Variants in MYO3A observed in about 807,000 individuals in gnomAD.
MYO3A encodes the protein myosin-IIIa.
Under a neutral mutation model 192.7 loss-of-function variants are expected in MYO3A, and 180 were observed. The observed-to-expected ratio is 0.93, with a 90% confidence interval of 0.83 to 1.06. MYO3A has a LOEUF of 1.06. Among genes scored for constraint, MYO3A ranks in the 50% least tolerant of loss-of-function variants. The pLI, the probability that MYO3A is intolerant of heterozygous loss-of-function variation, is 0.00. For synonymous variants in MYO3A, 628 were observed against 645.3 expected, an observed-to-expected ratio of 0.97 and a Z score of 0.41; for missense variants, 1,896 against 1,905.0, an observed-to-expected ratio of 1.00 and a Z score of 0.09.
intron 20 of MYO3A, among the ~76,000 whole-genome samples, chr10:26,128,806 C>T (rs906166348): frequency 1.3e-5 from 2 of 152,106 alleles, no homozygotes; most frequent in African/African-American, 2.4e-5. Flanking sequence ...CCTTTGTAAA[C>T]GAAGATATTT....
intron 23 of MYO3A, among the ~76,000 whole-genome samples, chr10:26,153,042 T>A (rs913272943): frequency 6.6e-6 from 1 of 152,210 alleles, no homozygotes; most frequent in South Asian, 2.1e-4. Flanking sequence ...ATACTGCATT[T>A]TGAAGATATT....
chr10:26,073,257 A>G (rs1485206745), intron 14 of MYO3A, among the ~76,000 whole-genome samples: 1 of 152,086 alleles, frequency 6.6e-6, no homozygotes, highest in Admixed American at 6.5e-5. Flanking sequence ...TGATACAAGC[A>G]ATAATGAATT....
rs572815329 is a variant in MYO3A, at chr10:26,078,729, A to G, written c.1359+8328A>G. Among the ~76,000 whole-genome samples the G allele has an allele frequency of 7.9e-5, 12 of 152,204 alleles. No homozygotes were observed. In the South Asian group the frequency reaches 1.9e-3, roughly 24 times the overall value. On this transcript the variant is annotated intron_variant, in intron 14 of 34. Coordinates refer to ENST00000642920, the MANE Select transcript of MYO3A (RefSeq NM_017433.5). Reference sequence around the variant, plus strand: ...TGTGTCATTGTTGTTCAGTTCGAAGAATTTTTTAATTTCCCTCTTGATTTT... The same window carrying G: ...TGTGTCATTGTTGTTCAGTTCGAAGGATTTTTTAATTTCCCTCTTGATTTT...
At chr10:26,151,988 T>G (rs1840817611) in intron 23 of MYO3A, among the ~76,000 whole-genome samples, 1 of 152,224 alleles carries the variant, frequency 6.6e-6, no homozygotes. Flanking sequence ...CAAAAGTCAT[T>G]AATTTTGACT....
At chr10:26,175,561 C>T (rs545200768) in intron 30 of MYO3A, among the ~76,000 whole-genome samples, 1 of 152,294 alleles carries the variant, frequency 6.6e-6, no homozygotes, top group South Asian at 2.1e-4. Flanking sequence ...CTATGAGAAA[C>T]ACGATAACTG....
chr10:26,090,933 G>T (rs1836662971), intron 15 of MYO3A, among the ~76,000 whole-genome samples: 1 of 152,232 alleles, frequency 6.6e-6, no homozygotes, highest in Non-Finnish European at 1.5e-5. Flanking sequence ...TGCAGCTGTG[G>T]ATCAGGGGCT....
intron 29 of MYO3A, among the ~76,000 whole-genome samples, chr10:26,170,850 C>A (rs916297770): frequency 6.6e-6 from 1 of 152,216 alleles, no homozygotes; most frequent in African/African-American, 2.4e-5. Context: ...TATCCCTGGG[C>A]CCTCTCATTC....
chr10:25,963,858 T>G (rs1461488599), intron 4 of MYO3A, among the ~76,000 whole-genome samples: 1 of 151,948 alleles, frequency 6.6e-6, no homozygotes, highest in Admixed American at 6.6e-5. Flanking sequence ...AATTTATACA[T>G]AATATATATA....
In MYO3A at chr10:25,952,079, A is replaced by G; in HGVS notation, c.-17-15A>G. 1.3e-6 allele frequency: 2 copies of G among 1,575,748 alleles called. No homozygotes were observed. The highest frequency in any genetic ancestry group is 1.7e-6 in the Non-Finnish European group (2 of 1,147,864). Reference sequence around the variant, plus strand: ...CTCAATCAACTGTAGATGAAACTGTACTTCTTATCTCCAGGTTTTTAAACC... The same window carrying G: ...CTCAATCAACTGTAGATGAAACTGTGCTTCTTATCTCCAGGTTTTTAAACC... On this transcript the variant is annotated splice_polypyrimidine_tract_variant and intron_variant, in intron 2 of 34. Coordinates refer to ENST00000642920, the MANE Select transcript of MYO3A (RefSeq NM_017433.5).
chr10:26,038,434 A>G (rs1843152514), intron 10 of MYO3A, among the ~76,000 whole-genome samples: 1 of 152,096 alleles, frequency 6.6e-6, no homozygotes, highest in Non-Finnish European at 1.5e-5. Flanking sequence ...GTTAATTCCT[A>G]GGCATTTTAT....
chr10:26,027,280 A>G (rs1412890901), intron 10 of MYO3A, among the ~76,000 whole-genome samples: 1 of 152,190 alleles, frequency 6.6e-6, no homozygotes, highest in Non-Finnish European at 1.5e-5. Context: ...GAAATATACA[A>G]TGGAAAAATA....
intron 14 of MYO3A, among the ~76,000 whole-genome samples, chr10:26,086,424 G>A (rs1313592770): frequency 6.6e-6 from 1 of 152,120 alleles, no homozygotes; most frequent in Non-Finnish European, 1.5e-5. Flanking sequence ...ATATCAGAGG[G>A]AGAGCACTAG....
chr10:26,061,689 CT>C (rs773309085), intron 10 of MYO3A, among the ~76,000 whole-genome samples: 19 of 152,134 alleles, frequency 1.2e-4, no homozygotes, highest in Non-Finnish European at 2.2e-4. Flanking sequence ...ATGACCAAAT[CT>C]TTTCTAAGTT....
intron 31 of MYO3A, among the ~76,000 whole-genome samples, chr10:26,183,134 C>CTGCTTTATCCTCCTGCTTTAT (rs1194801127): frequency 9.2e-5 from 14 of 152,188 alleles, no homozygotes; most frequent in Admixed American, 3.9e-4. Context: ...GGTCTCACCC[C>CTGCTTTATCCTCCTGCTTTAT]CCACACAGGC....
intron 14 of MYO3A, among the ~76,000 whole-genome samples, chr10:26,076,069 G>C (rs12415729): frequency 0.69 from 104,090 of 150,644 alleles, 36,120 homozygotes; most frequent in Middle Eastern, 0.76. Context: ...TAAGAAATCA[G>C]CATACTGTTT....
At chr10:26,117,195 C>G (rs951845424) in intron 17 of MYO3A, among the ~76,000 whole-genome samples, 2 of 152,148 alleles carry the variant, frequency 1.3e-5, no homozygotes, top group African/African-American at 4.8e-5. Flanking sequence ...CATTATTTTG[C>G]TGGATTCAAC....
At chr10:26,047,635 C>T (rs1017128913) in intron 10 of MYO3A, among the ~76,000 whole-genome samples, 5 of 151,510 alleles carry the variant, frequency 3.3e-5, no homozygotes, top group Non-Finnish European at 7.4e-5. Flanking sequence ...ATTAGCCGGG[C>T]GTGGTGGCAG....
At chr10:26,190,400 A>C (rs1843068836) in intron 31 of MYO3A, among the ~76,000 whole-genome samples, 1 of 152,202 alleles carries the variant, frequency 6.6e-6, no homozygotes, top group African/African-American at 2.4e-5. Context: ...AAGAATGATG[A>C]CTGCGGGTTC....
intron 20 of MYO3A, among the ~76,000 whole-genome samples, chr10:26,140,543 G>A (rs1413322778): frequency 1.3e-5 from 2 of 152,168 alleles, no homozygotes; most frequent in African/African-American, 4.8e-5. Flanking sequence ...AATTAGCTGG[G>A]CATGATGGCA....
Sources: allele counts gnomAD v4.1 joint callset (sites outside exome capture counted in the v4.1 genomes callset), GRCh38; gene constraint gnomAD v4.1.1; transcripts MANE v1.5; gene names NCBI Gene and HGNC (gene_info 2026-07-23, HGNC 2026-07-21).